USH2A: variants seen among roughly 807,000 people sequenced by gnomAD.
USH2A encodes Usher syndrome 2A (autosomal recessive, mild).
A neutral mutation model predicts 538.9 loss-of-function variants in USH2A; 443 were observed. The ratio of observed to expected loss-of-function variants is 0.82; its 90% CI spans 0.76 to 0.89. USH2A has a LOEUF of 0.89. USH2A is among the 40% of genes least tolerant of loss of function. The probability of loss-of-function intolerance (pLI) is 0.00; values close to 1 mark genes in which losing one functional copy is unlikely to be tolerated. For synonymous variants in USH2A, 2,413 were observed against 2,273.5 expected (o/e 1.06, Z -1.75); for missense variants, 6,633 against 6,324.8 (o/e 1.05, Z -1.65).
chr1:216,067,290 T>C (rs903370381), intron 30 of USH2A, among the ~76,000 whole-genome samples: 2 of 151,792 alleles, frequency 1.3e-5, no homozygotes, highest in Non-Finnish European at 2.9e-5. Context: ...AGGGGAGAGA[T>C]AGCATTAGGA....
intron 69 of USH2A, among the ~76,000 whole-genome samples, chr1:215,637,782 A>T (rs186060699): frequency 0.021 from 3,157 of 151,042 alleles, 90 homozygotes; most frequent in African/African-American, 0.07. Context: ...ATTAAAAAAA[A>T]TTTTTTTTTT....
chr1:216,050,755 C>T, intron 30 of USH2A, among the ~76,000 whole-genome samples: 1 of 151,052 alleles, frequency 6.6e-6, no homozygotes, highest in East Asian at 2.0e-4. Context: ...CAGGCGCCCG[C>T]CACCACGCCC....
chr1:216,102,078 C>T (rs1282026979), intron 21 of USH2A, among the ~76,000 whole-genome samples: 1 of 151,770 alleles, frequency 6.6e-6, no homozygotes, highest in Non-Finnish European at 1.5e-5. Flanking sequence ...TTAGAATTAA[C>T]AACTTTTGGC....
intron 3 of USH2A, among the ~76,000 whole-genome samples, chr1:216,390,121 C>T (rs1276920962): frequency 2.0e-5 from 3 of 152,042 alleles, no homozygotes; most frequent in African/African-American, 7.2e-5. Flanking sequence ...AAATGTATAA[C>T]TACATAATTT....
At chr1:216,244,275 T>C (rs2035992130) in intron 13 of USH2A, among the ~76,000 whole-genome samples, 1 of 152,072 alleles carries the variant, frequency 6.6e-6, no homozygotes. Flanking sequence ...CTGCAGTGAC[T>C]GAAGAAGATG....
chr1:216,348,843 A>G (rs2038225808), intron 4 of USH2A, among the ~76,000 whole-genome samples: 1 of 152,016 alleles, frequency 6.6e-6, no homozygotes, highest in African/African-American at 2.4e-5. Context: ...TGTACCACCA[A>G]GTGATCTCTG....
At chr1:215,919,308 C>T (rs532218373) in intron 38 of USH2A, among the ~76,000 whole-genome samples, 1 of 152,192 alleles carries the variant, frequency 6.6e-6, no homozygotes, top group African/African-American at 2.4e-5. Flanking sequence ...GTAACAACTA[C>T]TATGTGTACT....
intron 33 of USH2A, 137 bp downstream of exon 33, chr1:216,000,266 C>T (rs954581181): frequency 1.6e-6 from 2 of 1,229,728 alleles, no homozygotes; most frequent in East Asian, 4.8e-5. Context: ...TCAAAGGTTC[C>T]CAGATCCACT....
At chr1:216,181,182 C>T (rs111352673) in intron 20 of USH2A, among the ~76,000 whole-genome samples, 1 of 152,050 alleles carries the variant, frequency 6.6e-6, no homozygotes. Flanking sequence ...CTCTTTAAGA[C>T]CCTGATTATG....
chr1:216,323,590 C>T lies in USH2A; in HGVS notation c.1434G>A (p.Glu478=), dbSNP rs35730265. The T allele has an allele frequency of 1.9e-6, 3 of 1,613,514 alleles. No individual in the cohort carries two copies. Among genetic ancestry groups the T allele is most frequent in the Non-Finnish European group, 2.5e-6 (3 of 1,179,750 alleles). Residue 478 remains glutamate, a synonymous_variant, in exon 8 of 72, where the codon GAG becomes GAA. Transcript: ENST00000307340. The part of the protein sequence containing the change: ...NNFYNTPSLQ[E]FVKATQIRFH... Reference sequence around the variant, plus strand: ...ACCTTATTTGCGTGGCTTTTACGAACTCTTGAAGAGATGGGGTATTATAGA... The same window carrying T: ...ACCTTATTTGCGTGGCTTTTACGAATTCTTGAAGAGATGGGGTATTATAGA...
chr1:215,888,472 C>G lies in USH2A; in HGVS notation c.8177G>C (p.Gly2726Ala), dbSNP rs549796389. 1.9e-6 allele frequency: 3 copies of G among 1,613,866 alleles called. No homozygotes were observed. The highest frequency in any genetic ancestry group is 2.5e-6 in the Non-Finnish European group (3 of 1,180,010). ...CACTGTCACCACAGGTGGCTGCACC[C>G]CAGCAGGTCGTGAGGGTCTTGTGGT... Reference protein sequence around the residue: ...EVTTRPSRPAGVQPPVVTVLE... With the variant: ...EVTTRPSRPAAVQPPVVTVLE... Residue 2726 changes from glycine (G) to alanine (A), a missense_variant, in exon 41 of 72, where the codon GGG (glycine) becomes GCG (alanine). Gly to Ala is a moderately conservative substitution (Grantham distance 60). Transcript: ENST00000307340.
At chr1:215,909,512 A>G (rs1272070198) in intron 38 of USH2A, among the ~76,000 whole-genome samples, 2 of 151,970 alleles carry the variant, frequency 1.3e-5, no homozygotes, top group East Asian at 1.9e-4. Flanking sequence ...GTAAGGGTAT[A>G]CACGTGTGGA....
intron 34 of USH2A, 133 bp downstream of exon 34, chr1:215,998,754 T>C: frequency 1.1e-6 from 1 of 932,648 alleles, no homozygotes; most frequent in Non-Finnish European, 1.7e-6. Context: ...AAGAGAGTTT[T>C]CAGTATAAAC....
At chr1:215,665,201 C>G (rs1232439785) in intron 64 of USH2A, among the ~76,000 whole-genome samples, 3 of 152,146 alleles carry the variant, frequency 2.0e-5, no homozygotes, top group Admixed American at 2.0e-4. Flanking sequence ...TTTCCATCCT[C>G]TTGTTTGGGG....
intron 3 of USH2A, among the ~76,000 whole-genome samples, chr1:216,374,921 G>A (rs2038790097): frequency 6.6e-6 from 1 of 152,078 alleles, no homozygotes; most frequent in Non-Finnish European, 1.5e-5. Context: ...GAGATGAGTG[G>A]TCTTTAGGAA....
At chr1:216,172,004 C>A (rs1267855993) in intron 21 of USH2A, among the ~76,000 whole-genome samples, 1 of 151,906 alleles carries the variant, frequency 6.6e-6, no homozygotes, top group African/African-American at 2.4e-5. Context: ...CCCAAAATAG[C>A]TTTATCTGGT....
At position 215,639,257 on chromosome 1, in the gene USH2A, T is replaced by C. The variant is rs760401848; in HGVS notation, c.14969-19A>G. The C allele has an allele frequency of 1.1e-5, 18 of 1,612,824 alleles. No individual in the cohort carries two copies. The Admixed American group carries it at 2.8e-4, about 25-fold the overall frequency. On this transcript the variant is annotated intron_variant, in intron 68 of 71. Coordinates refer to ENST00000307340, the MANE Select transcript of USH2A (RefSeq NM_206933.4). ...AAGAAGGCTAGACAAAAGGAAGAAC[T>C]GGTAAATGACTTGTTCATTCAACAC...
intron 61 of USH2A, among the ~76,000 whole-genome samples, chr1:215,697,170 G>T (rs1345191621): frequency 1.3e-5 from 2 of 151,868 alleles, no homozygotes; most frequent in Middle Eastern, 3.2e-3. Context: ...TGTTGCCCAG[G>T]CTGGTCTTGA....
intron 21 of USH2A, among the ~76,000 whole-genome samples, chr1:216,140,473 A>G (rs2033580655): frequency 6.6e-6 from 1 of 152,222 alleles, no homozygotes; most frequent in Non-Finnish European, 1.5e-5. Context: ...TCAAAAAAAG[A>G]GAATGAAACT....
Sources: allele counts gnomAD v4.1 joint callset (sites outside exome capture counted in the v4.1 genomes callset), GRCh38; gene constraint gnomAD v4.1.1; transcripts MANE v1.5; gene names NCBI Gene and HGNC (gene_info 2026-07-23, HGNC 2026-07-21).